BLTP1: variants seen among roughly 807,000 people sequenced by gnomAD.
BLTP1 encodes bridge-like lipid transfer protein family member 1.
At chr4:122,361,933 G>A in the BLTP1 span, 1 of 1,380,278 alleles carries the variant, frequency 7.2e-7, no homozygotes, top group Non-Finnish European at 9.6e-7. Flanking sequence ...ATTTTGTCTT[G>A]AGTATATTAT....
At chr4:122,187,411 G>A in the BLTP1 span, 1 of 1,609,926 alleles carries the variant, frequency 6.2e-7, no homozygotes, top group Non-Finnish European at 8.5e-7. Context: ...ATTCATGTCA[G>A]TTTTATTTTT....
the BLTP1 span, chr4:122,183,074 A>G: frequency 8.4e-6 from 8 of 956,806 alleles, no homozygotes; most frequent in South Asian, 2.4e-4. Flanking sequence ...AGTAGCTCAC[A>G]CTGGTAATCC....
At chr4:122,249,780 A>G in the BLTP1 span, 2 of 1,499,688 alleles carry the variant, frequency 1.3e-6, no homozygotes, top group Non-Finnish European at 1.8e-6. Context: ...AACCTGAATC[A>G]ACATAATAAA....
chr4:122,186,037 TC>T, the BLTP1 span: 1 of 1,575,744 alleles, frequency 6.3e-7, no homozygotes, highest in Non-Finnish European at 8.6e-7. Flanking sequence ...TGTCTTTAGA[TC>T]CAAAGGCAGA....
At chr4:122,198,911 A>G in the BLTP1 span, among the ~76,000 whole-genome samples, 7 of 152,186 alleles carry the variant, frequency 4.6e-5, no homozygotes, top group Admixed American at 3.3e-4. Flanking sequence ...ACAATACTCT[A>G]AACTATTCAG....
chr4:122,184,736 A>G, the BLTP1 span: 5 of 985,130 alleles, frequency 5.1e-6, no homozygotes, highest in East Asian at 3.4e-4. Flanking sequence ...GTCACAGTCT[A>G]GAGACTCATT....
At chr4:122,325,338 T>C in the BLTP1 span, 2 of 1,591,212 alleles carry the variant, frequency 1.3e-6, no homozygotes, top group Middle Eastern at 1.7e-4. Context: ...ATATATAATT[T>C]GTTAGAGATA....
chr4:122,309,671 T>C, the BLTP1 span, among the ~76,000 whole-genome samples: 1 of 152,106 alleles, frequency 6.6e-6, no homozygotes, highest in Non-Finnish European at 1.5e-5. Flanking sequence ...CAGGCATTCT[T>C]TTTGGTACTA....
At chr4:122,306,285 T>TAAA in the BLTP1 span, among the ~76,000 whole-genome samples, 1 of 152,146 alleles carries the variant, frequency 6.6e-6, no homozygotes, top group East Asian at 1.9e-4. Flanking sequence ...TCAGATTATG[T>TAAA]AATTGTAATG....
the BLTP1 span, chr4:122,271,369 CT>C: frequency 6.2e-7 from 1 of 1,613,846 alleles, no homozygotes; most frequent in Admixed American, 1.7e-5. Context: ...AACATCGGGA[CT>C]TTCGTTCATC....
At chr4:122,189,719 C>G in the BLTP1 span, 2 of 892,350 alleles carry the variant, frequency 2.2e-6, no homozygotes, top group African/African-American at 3.6e-5. Context: ...TAAATTTTTT[C>G]TTTTTAAAAC....
chr4:122,323,468 A>AT, the BLTP1 span, among the ~76,000 whole-genome samples: 23 of 148,952 alleles, frequency 1.5e-4, no homozygotes, highest in Non-Finnish European at 2.2e-4. Flanking sequence ...CCAGGATGAG[A>AT]TTTTTAGGTG....
chr4:122,285,229 A>G, the BLTP1 span, among the ~76,000 whole-genome samples: 8 of 152,172 alleles, frequency 5.3e-5, no homozygotes, highest in Non-Finnish European at 1.2e-4. Context: ...AGAACCCAAA[A>G]TTCTTATTGA....
the BLTP1 span, chr4:122,336,993 A>G: frequency 6.2e-7 from 1 of 1,610,876 alleles, no homozygotes. Context: ...CCTTCCCTGT[A>G]GATGTTGTGG....
chr4:122,174,495 A>G, the BLTP1 span: 1 of 1,565,214 alleles, frequency 6.4e-7, no homozygotes, highest in Non-Finnish European at 8.6e-7. Context: ...ATTTAGTGCT[A>G]ATGTTATTTT....
the BLTP1 span, chr4:122,254,599 C>CT: frequency 1.1e-6 from 1 of 908,504 alleles, no homozygotes. Flanking sequence ...CTTTTTATCT[C>CT]TGACAGGCTT....
At chr4:122,186,123 A>G in the BLTP1 span, 1 of 1,612,686 alleles carries the variant, frequency 6.2e-7, no homozygotes, top group Non-Finnish European at 8.5e-7. Context: ...GGACGCCTTC[A>G]AGAGTTGTTT....
chr4:122,307,491 T>A, the BLTP1 span: 1 of 985,404 alleles, frequency 1.0e-6, no homozygotes, highest in Non-Finnish European at 1.2e-6. Context: ...CCTTAAGGTT[T>A]GTTTCTGTTT....
the BLTP1 span, among the ~76,000 whole-genome samples, chr4:122,347,996 A>G: frequency 1.3e-5 from 2 of 152,032 alleles, no homozygotes; most frequent in African/African-American, 2.4e-5. Flanking sequence ...TAGCTTTACA[A>G]ATAGATAAGG....
Sources: gnomAD v4.1 joint callset for allele counts (sites outside exome capture counted in the v4.1 genomes callset) on GRCh38, gnomAD v4.1.1 for gene constraint, MANE v1.5 for transcripts, NCBI Gene and HGNC (gene_info 2026-07-23, HGNC 2026-07-21) for gene names.